The following FTCD variants were observed in gnomAD, a reference collection of about 807,000 sequenced individuals.
FTCD encodes the protein formimidoyltransferase cyclodeaminase.
A neutral mutation model predicts 62.9 loss-of-function variants in FTCD; 76 were observed. The ratio of observed to expected loss-of-function variants is 1.21; its 90% CI spans 1.00 to 1.46. The LOEUF is 1.46. Ranked by LOEUF, FTCD falls within the 40% of genes most tolerant of loss-of-function variation. The pLI is 0.00. For missense variants in FTCD, 845 were observed against 751.3 expected (o/e 1.12, Z -1.46); for synonymous variants, 397 against 336.9 (o/e 1.18, Z -1.95).
At chr21:46,142,738 G>A (rs2079049735) in intron 10 of FTCD, 1 of 152,246 alleles carries the variant, frequency 6.6e-6, no homozygotes, top group Non-Finnish European at 1.5e-5. Context: ...CAGCTTTTAT[G>A]CCCTTATTTG....
At chr21:46,136,270 T>C, downstream of FTCD, 2 of 598,948 alleles carry the variant, frequency 3.3e-6, no homozygotes, top group East Asian at 2.8e-5. Context: ...AGTGATTTGC[T>C]AAATTATTTT....
intron 10 of FTCD, among the ~76,000 whole-genome samples, chr21:46,140,719 T>C (rs56722453): frequency 7.2e-5 from 8 of 110,480 alleles, no homozygotes; most frequent in East Asian, 5.9e-4. Context: ...ACTCCCCGTC[T>C]GCCTTCACAT....
At chr21:46,141,666 G>A (rs1452302434) in intron 10 of FTCD, among the ~76,000 whole-genome samples, 1 of 150,846 alleles carries the variant, frequency 6.6e-6, no homozygotes, top group Non-Finnish European at 1.5e-5. Context: ...GTCCAAAGAC[G>A]AACAACAAAC....
intron 8 of FTCD, 44 bp from the exon 9 acceptor site, chr21:46,145,991 G>C: frequency 1.6e-6 from 2 of 1,242,134 alleles, no homozygotes; most frequent in South Asian, 1.5e-5. Context: ...GGGGTTGGTG[G>C]GGGGAGCGCA....
chr21:46,152,765 T>C (rs1601349988), intron 3 of FTCD, 142 bp downstream of exon 3: 2 of 689,404 alleles, frequency 2.9e-6, no homozygotes, highest in Non-Finnish European at 2.3e-6. Context: ...TTGAGGGAGC[T>C]GCGCTTCTGC....
At position 46,145,891 on chromosome 21, in the gene FTCD, G is replaced by T; in HGVS notation, c.1025C>A (p.Ala342Asp). The T allele has an allele frequency of 1.4e-6, 2 of 1,468,942 alleles. No homozygotes were observed. The highest frequency in any genetic ancestry group is 1.8e-6 in the Non-Finnish European group (2 of 1,118,092). 91.0% of individuals were successfully genotyped at this position (1,468,942 alleles called of 1,614,324 possible). A position where few individuals can be genotyped will look rare whatever the true frequency, so the allele number is the denominator to read the frequency against. Residue 342 changes from alanine (A) to aspartate (D), a missense_variant, in exon 9 of 14, where the codon GCC becomes GAC. By Grantham distance (126) the Ala-to-Asp change is moderately radical. Coordinates refer to ENST00000397746, the MANE Select transcript of FTCD (RefSeq NM_206965.2). ...ERGLGSKSLRAFVGEVGARSA... is the reference protein window; with the variant it reads ...ERGLGSKSLRDFVGEVGARSA... The stretch of plus-strand genomic sequence containing the variant: ...GCGGGCACCCACCTCCCCCACGAAG[G>T]CGCGCAGGGACTTGCTGCCCAGGCC...
chr21:46,137,964 A>T (rs966117684), intron 12 of FTCD, among the ~76,000 whole-genome samples: 2 of 152,186 alleles, frequency 1.3e-5, no homozygotes, highest in African/African-American at 4.8e-5. Flanking sequence ...TGGTGTGATC[A>T]CGGCTCACTG....
chr21:46,136,606 G>T (rs1446908812), downstream of FTCD: 7 of 1,518,564 alleles, frequency 4.6e-6, no homozygotes, highest in East Asian at 1.5e-4. Context: ...GCCCACTGTG[G>T]GCTGCACTGG....
chr21:46,151,383 C>T (rs1341855395), intron 5 of FTCD, among the ~76,000 whole-genome samples, 175 bp downstream of exon 5: 1 of 152,060 alleles, frequency 6.6e-6, no homozygotes, highest in East Asian at 1.9e-4. Context: ...GACCTGCCGA[C>T]CTGCGCGGTC....
At chr21:46,141,915 C>T (rs2079016945) in intron 10 of FTCD, among the ~76,000 whole-genome samples, 1 of 151,954 alleles carries the variant, frequency 6.6e-6, no homozygotes, top group African/African-American at 2.4e-5. Context: ...GTGCCCTGGG[C>T]CCCCCCGGGG....
At chr21:46,147,232 G>C (rs555859435) in intron 7 of FTCD, among the ~76,000 whole-genome samples, 2 of 151,966 alleles carry the variant, frequency 1.3e-5, no homozygotes, top group South Asian at 2.1e-4. Flanking sequence ...ACAGCCACCC[G>C]CCAGAGGAAA....
At chr21:46,143,726 C>T (rs558190986) in intron 10 of FTCD, among the ~76,000 whole-genome samples, 5 of 152,228 alleles carry the variant, frequency 3.3e-5, no homozygotes, top group African/African-American at 1.2e-4. Context: ...GGAAGGCGCC[C>T]GTTACCAAGC....
chr21:46,151,915 C>T lies in FTCD; in HGVS notation c.433G>A (p.Glu145Lys), dbSNP rs888472289. ...RRTLPAIRAG[E>K]YEALPKKLQQ... ...ACCTTCTTAGGGAGGGCCTCGTACT[C>T]CCCGGCCCGGATGGCCGGCAGGGTC... The change falls in exon 4 of 14, where the codon GAG becomes AAG. Residue 145 changes from glutamate to lysine, a missense_variant. Glu to Lys is a moderately conservative substitution (Grantham distance 56). Transcript: ENST00000397746. 3.2e-6 allele frequency: 5 copies of T among 1,566,996 alleles called. No homozygotes were observed. The East Asian group carries it at 7.1e-5, about 22-fold the overall frequency.
In FTCD at chr21:46,138,676, C is replaced by T. The variant is rs536289303; in HGVS notation, c.1305-30G>A. ...AAGGAGCAAGAGGAGAGCCTGAGCA[C>T]AGCGGCACACACAGGCAGGCAGTGG... On this transcript the variant is annotated intron_variant, in intron 11 of 13. Transcript: ENST00000397746. 221 of 1,593,956 alleles carry T rather than the reference C, an allele frequency of 1.4e-4. No homozygotes were observed. The East Asian group carries it at 4.2e-3, about 31-fold the overall frequency.
intron 12 of FTCD, among the ~76,000 whole-genome samples, 195 bp from the exon 13 acceptor site, chr21:46,137,529 C>T (rs997717636): frequency 6.6e-6 from 1 of 152,212 alleles, no homozygotes; most frequent in Non-Finnish European, 1.5e-5. Context: ...TTTCTCTTAT[C>T]CAAGCAGGGC....
rs777790425 is a variant in FTCD, at chr21:46,145,843, G to A, written c.1073C>T (p.Ser358Leu). The A allele has an allele frequency of 7.5e-6, 7 of 939,148 alleles. No homozygotes were observed. Among genetic ancestry groups the A allele is most frequent in the East Asian group, 1.3e-4 (1 of 7,830 alleles). 58.2% of individuals were successfully genotyped at this position (939,148 alleles called of 1,614,324 possible). A position where few individuals can be genotyped will look rare whatever the true frequency, so the allele number is the denominator to read the frequency against. Residue 358 changes from serine (S) to leucine (L), a missense_variant, in exon 9 of 14, where the codon TCG becomes TTG. Coordinates refer to ENST00000397746, the MANE Select transcript of FTCD (RefSeq NM_206965.2). ...GARSAAPGGG[S>L]VAAAAAAMGA... is the part of the protein sequence containing the mutation. ...CATGGCCGCAGCGGCCGCCGCCACCGAGCCGCCCCCGGGGGCCGCAGAGCG... is the reference window on the plus strand; with the variant it reads ...CATGGCCGCAGCGGCCGCCGCCACCAAGCCGCCCCCGGGGGCCGCAGAGCG...
rs568935591 is a variant in FTCD, at chr21:46,151,415, G to A, written c.636+143C>T. ...GGTCCCCGCACGGTGTGGACGCGGA[G>A]GCTGGGCCGGTCTGCAGGTGGGAGG... is the stretch of plus-strand genomic sequence containing the variant. On this transcript the variant is annotated intron_variant, in intron 5 of 13. Transcript: ENST00000397746. 9.1e-6 allele frequency: 7 copies of A among 765,286 alleles called. No homozygotes were observed. The East Asian group carries it at 1.5e-4, about 16-fold the overall frequency. 47.4% of individuals were successfully genotyped at this position (765,286 alleles called of 1,614,324 possible). A position where few individuals can be genotyped will look rare whatever the true frequency, so the allele number is the denominator to read the frequency against.
chr21:46,145,580 T>G lies in FTCD; in HGVS notation c.1099-2A>C. On this transcript the variant is annotated splice_acceptor_variant, in intron 9 of 13. Transcript: ENST00000397746. LOFTEE classifies it high-confidence loss of function. ...CACCATGGAGCCCAGCGCCGCACCC[T>G]GCGAGAGGGGTGGATGTGGGGGTCG... The G allele has an allele frequency of 6.5e-7, 1 of 1,532,514 alleles. No individual in the cohort carries two copies. The allele number at this position is 1,532,514 out of a possible 1,614,324, so 94.9% of individuals were successfully genotyped here. A position where few individuals can be genotyped will look rare whatever the true frequency, so the allele number is the denominator to read the frequency against.
intron 3 of FTCD, chr21:46,152,703 G>A: frequency 1.9e-6 from 1 of 536,404 alleles, no homozygotes; most frequent in Admixed American, 3.3e-5. Flanking sequence ...GGTGTAGTCT[G>A]AGGAGGCCCC....
Sources: allele counts gnomAD v4.1 joint callset (sites outside exome capture counted in the v4.1 genomes callset), GRCh38; gene constraint gnomAD v4.1.1; transcripts MANE v1.5; gene names NCBI Gene and HGNC (gene_info 2026-07-23, HGNC 2026-07-21).